PTPRD: variants seen among roughly 807,000 people sequenced by gnomAD.
The protein encoded by PTPRD is protein tyrosine phosphatase receptor type D, also known as receptor-type tyrosine-protein phosphatase delta.
A neutral mutation model predicts 214.5 loss-of-function variants in PTPRD; 34 were observed. That is an observed-to-expected ratio of 0.16 (90% CI 0.12 to 0.21). The LOEUF (loss-of-function observed/expected upper bound fraction) is 0.21. Ranked by LOEUF, PTPRD falls within the 10% of genes least tolerant of loss-of-function variation. PTPRD has a pLI of 1.00. For missense variants in PTPRD, 2,545 were observed against 2,398.7 expected (o/e 1.06, Z -1.27); for synonymous variants, 1,128 against 845.7 (o/e 1.33, Z -5.79).
At chr9:10,391,807 C>T (rs1198009632) in intron 2 of PTPRD, among the ~76,000 whole-genome samples, 1 of 151,730 alleles carries the variant, frequency 6.6e-6, no homozygotes, top group Non-Finnish European at 1.5e-5. Context: ...GACCAGTATC[C>T]AGATCCTTAC....
At chr9:8,968,154 T>C (rs1303273145) in intron 11 of PTPRD, among the ~76,000 whole-genome samples, 1 of 152,136 alleles carries the variant, frequency 6.6e-6, no homozygotes, top group Non-Finnish European at 1.5e-5. Context: ...CAGTCTATCA[T>C]TGTTGGACAT....
intron 9 of PTPRD, among the ~76,000 whole-genome samples, chr9:9,315,392 T>C (rs1446352409): frequency 6.6e-6 from 1 of 152,038 alleles, no homozygotes; most frequent in Non-Finnish European, 1.5e-5. Flanking sequence ...TAGATATTAC[T>C]ATATGCCAGT....
intron 4 of PTPRD, among the ~76,000 whole-genome samples, chr9:10,033,311 T>C (rs2097117434): frequency 6.6e-6 from 1 of 151,858 alleles, no homozygotes; most frequent in Non-Finnish European, 1.5e-5. Flanking sequence ...GCATAAAATG[T>C]ATATATAATA....
intron 4 of PTPRD, among the ~76,000 whole-genome samples, chr9:9,946,813 G>T (rs2092625314): frequency 6.6e-6 from 1 of 152,014 alleles, no homozygotes; most frequent in East Asian, 1.9e-4. Context: ...TTTAACGATA[G>T]AATTAAAGCA....
chr9:9,149,781 G>C (rs1238491089), intron 10 of PTPRD, among the ~76,000 whole-genome samples: 1 of 152,086 alleles, frequency 6.6e-6, no homozygotes, highest in Non-Finnish European at 1.5e-5. Context: ...TTCCACCTTG[G>C]GGTGACAGGC....
intron 2 of PTPRD, among the ~76,000 whole-genome samples, chr9:10,531,627 T>C (rs945672983): frequency 2.0e-5 from 3 of 152,198 alleles, no homozygotes; most frequent in African/African-American, 4.8e-5. Context: ...TTCTCTGACA[T>C]TGGATACAAA....
chr9:8,503,530 T>A (rs1487016460), intron 23 of PTPRD, among the ~76,000 whole-genome samples: 1 of 152,028 alleles, frequency 6.6e-6, no homozygotes, highest in Non-Finnish European at 1.5e-5. Context: ...AAAAACAAAA[T>A]CCTGTATAAT....
chr9:8,353,830 A>ATGTATATATGTATATATGTATATATG (rs1450375117), intron 39 of PTPRD, among the ~76,000 whole-genome samples: 5 of 27,668 alleles, frequency 1.8e-4, no homozygotes, highest in South Asian at 8.4e-4. Flanking sequence ...ATATGTATAT[A>ATGTATATATGTATATATGTATATATG]TGTATATATG....
chr9:10,312,918 C>T (rs771374078), intron 3 of PTPRD, among the ~76,000 whole-genome samples: 1 of 151,904 alleles, frequency 6.6e-6, no homozygotes, highest in African/African-American at 2.4e-5. Context: ...CGAACACATT[C>T]TTGGTAACTA....
rs960506110 is a variant in PTPRD, at chr9:10,251,396, A to T, written c.-545+89567T>A. Among the ~76,000 whole-genome samples, 16 of 95,388 alleles carry T rather than the reference A, an allele frequency of 1.7e-4. No homozygotes were observed. The South Asian group carries it at 3.7e-3, about 22-fold the overall frequency. The allele number at this position is 95,388 out of a possible 152,430, so 62.6% of individuals were successfully genotyped here. ...TAAAATAAGAGACTAAACTCTTTCC[A>T]TTCTTTTTTTTTTTTAATTTTTTTC... On this transcript the variant is annotated intron_variant, in intron 3 of 45. Coordinates refer to ENST00000381196, the MANE Select transcript of PTPRD (RefSeq NM_002839.4).
At chr9:9,998,876 C>T (rs1262107080) in intron 4 of PTPRD, among the ~76,000 whole-genome samples, 1 of 152,192 alleles carries the variant, frequency 6.6e-6, no homozygotes. Context: ...GAAGAAAAGA[C>T]ATTTTCTTAC....
chr9:9,410,276 G>C (rs1481161584), intron 8 of PTPRD, among the ~76,000 whole-genome samples: 1 of 152,144 alleles, frequency 6.6e-6, no homozygotes, highest in African/African-American at 2.4e-5. Flanking sequence ...ATAAATCACA[G>C]ACAGAAATTA....
intron 35 of PTPRD, among the ~76,000 whole-genome samples, chr9:8,427,529 A>G (rs2094764145): frequency 6.6e-6 from 1 of 152,142 alleles, no homozygotes; most frequent in Non-Finnish European, 1.5e-5. Flanking sequence ...GAGGCCAGAC[A>G]CCTGACCAAA....
chr9:9,932,097 CA>C (rs2086888361), intron 5 of PTPRD, among the ~76,000 whole-genome samples: 1 of 148,756 alleles, frequency 6.7e-6, no homozygotes, highest in Non-Finnish European at 1.5e-5. Context: ...CATCAAAGAC[CA>C]AAAGTAGATA....
In PTPRD at chr9:10,246,533, G is replaced by A. The variant is rs374994261; in HGVS notation, c.-545+94430C>T. 9.3e-4 allele frequency among the ~76,000 whole-genome samples: 142 copies of A among 152,228 alleles called. 1 individual carries two copies. In the South Asian group the frequency reaches 0.027, roughly 29 times the overall value. ...TCCTGGGGGTGCGGTGTGAGCCACC[G>A]CACCTGGCCAAGATACATGTTTTAA... On this transcript the variant is annotated intron_variant, in intron 3 of 45. Coordinates refer to ENST00000381196, the MANE Select transcript of PTPRD (RefSeq NM_002839.4).
chr9:9,443,898 A>G (rs1289650897), intron 8 of PTPRD, among the ~76,000 whole-genome samples: 2 of 152,222 alleles, frequency 1.3e-5, no homozygotes. Flanking sequence ...TGAAAGCAAG[A>G]CTGAAACATG....
intron 9 of PTPRD, among the ~76,000 whole-genome samples, chr9:9,215,424 G>T (rs1037692620): frequency 6.6e-6 from 1 of 152,098 alleles, no homozygotes; most frequent in African/African-American, 2.4e-5. Context: ...ACACAGAATT[G>T]CTATAAAAAT....
intron 5 of PTPRD, among the ~76,000 whole-genome samples, chr9:9,907,629 A>T (rs972070674): frequency 2.0e-4 from 30 of 152,128 alleles, no homozygotes. Flanking sequence ...CTCCGAATAA[A>T]GTCACATTGG....
At chr9:8,427,037 C>T (rs1339457034) in intron 35 of PTPRD, among the ~76,000 whole-genome samples, 1 of 152,088 alleles carries the variant, frequency 6.6e-6, no homozygotes, top group East Asian at 1.9e-4. Context: ...CCAAAAGCAG[C>T]CCACTGGGAG....
Sources: gnomAD v4.1 joint callset for allele counts (sites outside exome capture counted in the v4.1 genomes callset) on GRCh38, gnomAD v4.1.1 for gene constraint, MANE v1.5 for transcripts, NCBI Gene and HGNC (gene_info 2026-07-23, HGNC 2026-07-21) for gene names.